AVEN: variants seen among roughly 807,000 people sequenced by gnomAD.
The protein encoded by AVEN is apoptosis and caspase activation inhibitor.
AVEN carries 41 observed loss-of-function variants against 38.1 expected under a neutral mutation model. The observed-to-expected ratio is 1.08, with a 90% CI of 0.84 to 1.40. The LOEUF (loss-of-function observed/expected upper bound fraction) is 1.40, where lower values mean the gene tolerates loss of function less well. Among genes scored for constraint, AVEN ranks in the 40% most tolerant of loss-of-function variants. The pLI is 0.00. For missense variants in AVEN, 605 were observed against 438.8 expected (o/e 1.38, Z -3.38); for synonymous variants, 206 against 171.8 (o/e 1.20, Z -1.56).
At chr15:33,898,833 G>A (rs1323855724) in intron 2 of AVEN, among the ~76,000 whole-genome samples, 1 of 152,166 alleles carries the variant, frequency 6.6e-6, no homozygotes, top group South Asian at 2.1e-4. Flanking sequence ...AAGTGCTATG[G>A]TTCAGAAGTC....
At chr15:33,932,446 C>G (rs1461078341) in intron 2 of AVEN, among the ~76,000 whole-genome samples, 1 of 152,148 alleles carries the variant, frequency 6.6e-6, no homozygotes, top group Non-Finnish European at 1.5e-5. Context: ...AAGATTAACT[C>G]TATGAGGAAG....
chr15:33,975,822 C>T (rs1415875013), intron 2 of AVEN, among the ~76,000 whole-genome samples: 1 of 152,056 alleles, frequency 6.6e-6, no homozygotes, highest in Non-Finnish European at 1.5e-5. Flanking sequence ...CCCAGCTACT[C>T]GGGAGGCTGA....
intron 2 of AVEN, among the ~76,000 whole-genome samples, chr15:33,898,828 CTATGGT>C (rs2153042529): frequency 6.6e-6 from 1 of 152,214 alleles, no homozygotes; most frequent in East Asian, 1.9e-4. Flanking sequence ...ATATAAAGTG[CTATGGT>C]TCAGAAGTCC....
At chr15:33,973,474 C>T (rs1414934401) in intron 2 of AVEN, among the ~76,000 whole-genome samples, 1 of 152,136 alleles carries the variant, frequency 6.6e-6, no homozygotes, top group Non-Finnish European at 1.5e-5. Flanking sequence ...CTGGTAATAC[C>T]TACAGAAGAG....
chr15:33,912,903 T>C (rs549587907), intron 2 of AVEN, among the ~76,000 whole-genome samples: 7 of 151,926 alleles, frequency 4.6e-5, no homozygotes, highest in African/African-American at 1.7e-4. Context: ...TTTTTTTTTT[T>C]TTTGAGACAG....
chr15:33,955,631 A>T (rs1418655363), intron 2 of AVEN, among the ~76,000 whole-genome samples: 3 of 152,238 alleles, frequency 2.0e-5, no homozygotes, highest in Non-Finnish European at 4.4e-5. Flanking sequence ...GGCAGAAGTC[A>T]TAGGAAGATA....
intron 2 of AVEN, among the ~76,000 whole-genome samples, chr15:33,898,052 G>A (rs1434015614): frequency 1.3e-5 from 2 of 152,120 alleles, no homozygotes; most frequent in Admixed American, 6.5e-5. Flanking sequence ...AGCTGGGCGT[G>A]GTGGTGGGCA....
At chr15:33,984,316 CCTT>C (rs1167835926) in intron 2 of AVEN, among the ~76,000 whole-genome samples, 1 of 151,852 alleles carries the variant, frequency 6.6e-6, no homozygotes, top group Non-Finnish European at 1.5e-5. Flanking sequence ...AGTAATTGGA[CCTT>C]AATGTCATTT....
chr15:33,888,886 G>C (rs1007104644), intron 2 of AVEN, among the ~76,000 whole-genome samples: 2 of 152,034 alleles, frequency 1.3e-5, no homozygotes, highest in Non-Finnish European at 2.9e-5. Flanking sequence ...CAAGTAGCTA[G>C]GACTACAGGC....
At chr15:33,920,663 CTG>C (rs766031316) in intron 2 of AVEN, among the ~76,000 whole-genome samples, 3 of 152,230 alleles carry the variant, frequency 2.0e-5, no homozygotes, top group Non-Finnish European at 4.4e-5. Flanking sequence ...TGCCATGAGA[CTG>C]TGCTCTTAAG....
intron 4 of AVEN, chr15:34,064,027 A>G: frequency 6.2e-7 from 1 of 1,614,186 alleles, no homozygotes; most frequent in Non-Finnish European, 8.5e-7. Context: ...CTAGTCAAAG[A>G]GAGGAAAGCA....
intron 11 of AVEN, among the ~76,000 whole-genome samples, chr15:33,859,287 A>G (rs1263450142): frequency 2.6e-5 from 4 of 152,230 alleles, no homozygotes; most frequent in Admixed American, 2.6e-4. Flanking sequence ...CATAGGCCAT[A>G]CTCATCAAGG....
rs1481021342 is a variant in AVEN, at chr15:33,866,466, C to T, written c.*147G>A. 1 of 610,492 alleles carries T rather than the reference C, an allele frequency of 1.6e-6. No homozygotes were observed. Among genetic ancestry groups the T allele is most frequent in the African/African-American group, 1.9e-5 (1 of 54,044 alleles). The allele number at this position is 610,492 out of a possible 1,614,324, so 37.8% of individuals were successfully genotyped here. A position where few individuals can be genotyped will look rare whatever the true frequency, so the allele number is the denominator to read the frequency against. On this transcript the variant is annotated 3_prime_UTR_variant, in exon 6 of 6. Transcript: ENST00000306730. The stretch of plus-strand genomic sequence containing the variant: ...AATGTATTCTTTCAGATGTCAAACA[C>T]AGAGGTAGGCATTTACTGCTGTGAG...
At chr15:33,957,310 T>C (rs1435158407) in intron 2 of AVEN, among the ~76,000 whole-genome samples, 1 of 152,196 alleles carries the variant, frequency 6.6e-6, no homozygotes, top group East Asian at 1.9e-4. Context: ...CCTTGTCCAT[T>C]AGAGACCTTT....
chr15:33,920,269 T>C (rs952212991), intron 2 of AVEN, among the ~76,000 whole-genome samples: 1 of 152,216 alleles, frequency 6.6e-6, no homozygotes, highest in Non-Finnish European at 1.5e-5. Flanking sequence ...TATATGCATA[T>C]TGTCCTGCAA....
chr15:33,859,213 T>C (rs1264427387), intron 11 of AVEN: 2 of 195,820 alleles, frequency 1.0e-5, no homozygotes, highest in East Asian at 2.5e-4. Context: ...TTTTGCAGTT[T>C]ATAGCACAGC....
chr15:33,945,801 A>G (rs113746620), intron 2 of AVEN, among the ~76,000 whole-genome samples: 97 of 152,172 alleles, frequency 6.4e-4, no homozygotes, highest in East Asian at 1.7e-3. Flanking sequence ...TGGCCAGGAT[A>G]GTCTCGATCT....
intron 2 of AVEN, among the ~76,000 whole-genome samples, chr15:33,952,176 A>C (rs930832000): frequency 1.3e-5 from 2 of 152,212 alleles, no homozygotes; most frequent in Non-Finnish European, 2.9e-5. Context: ...GCAGCTCACA[A>C]ACAGGTGGAA....
downstream of AVEN, among the ~76,000 whole-genome samples, chr15:33,855,475 A>G (rs1206010306): frequency 2.0e-5 from 3 of 152,198 alleles, no homozygotes; most frequent in Non-Finnish European, 2.9e-5. Flanking sequence ...AAGTGCTGGG[A>G]TTACAGGTGT....
Sources: gnomAD v4.1 joint callset for allele counts (sites outside exome capture counted in the v4.1 genomes callset) on GRCh38, gnomAD v4.1.1 for gene constraint, MANE v1.5 for transcripts, NCBI Gene and HGNC (gene_info 2026-07-23, HGNC 2026-07-21) for gene names.